The following ANKS1B variants were observed in gnomAD, a reference collection of about 807,000 sequenced individuals.
ANKS1B encodes ankyrin repeat and sterile alpha motif domain containing 1B, also known as ankyrin repeat and sterile alpha motif domain-containing protein 1B.
In ANKS1B, 36 loss-of-function variants were observed where a neutral mutation model predicts 148.3. The ratio of observed to expected loss-of-function variants is 0.24; its 90% CI spans 0.19 to 0.32. The LOEUF is 0.32. Among genes scored for constraint, ANKS1B ranks in the 10% least tolerant of loss-of-function variants. ANKS1B has a pLI of 1.00. For synonymous variants in ANKS1B, 542 were observed against 560.8 expected, an observed-to-expected ratio of 0.97 and a Z score of 0.47; for missense variants, 1,157 against 1,542.6, an observed-to-expected ratio of 0.75 and a Z score of 4.19.
chr12:98,757,366 G>A (rs2098275309), intron 25 of ANKS1B, among the ~76,000 whole-genome samples: 1 of 152,254 alleles, frequency 6.6e-6, no homozygotes, highest in Admixed American at 6.5e-5. Context: ...TTACAGAATT[G>A]TGAACATAAT....
intron 17 of ANKS1B, among the ~76,000 whole-genome samples, chr12:98,846,034 A>G (rs1290871817): frequency 1.3e-5 from 2 of 151,400 alleles, no homozygotes; most frequent in African/African-American, 2.4e-5. Flanking sequence ...ACATATATAT[A>G]TATGTATATT....
At chr12:98,813,079 G>A (rs1213622315) in intron 19 of ANKS1B, among the ~76,000 whole-genome samples, 2 of 152,124 alleles carry the variant, frequency 1.3e-5, no homozygotes, top group Non-Finnish European at 2.9e-5. Flanking sequence ...TTATGTTTAT[G>A]AAAATAACAT....
intron 9 of ANKS1B, among the ~76,000 whole-genome samples, chr12:99,570,645 C>CAA (rs34453262): frequency 0.21 from 21,651 of 103,178 alleles, 1,748 homozygotes; most frequent in Non-Finnish European, 0.22. Context: ...GACTTCGTCT[C>CAA]AAAAAAAAAA....
At chr12:99,593,160 C>A (rs561097247) in intron 9 of ANKS1B, among the ~76,000 whole-genome samples, 1 of 151,914 alleles carries the variant, frequency 6.6e-6, no homozygotes, top group Non-Finnish European at 1.5e-5. Flanking sequence ...TCCCTCAACC[C>A]CCATCATGGC....
chr12:99,648,116 A>G, intron 9 of ANKS1B: 1 of 1,560,052 alleles, frequency 6.4e-7, no homozygotes, highest in Non-Finnish European at 8.7e-7. Context: ...ATGCCCGCTA[A>G]AGCATGTTAA....
At chr12:99,931,476 T>C (rs1007315813) in intron 1 of ANKS1B, among the ~76,000 whole-genome samples, 1 of 152,208 alleles carries the variant, frequency 6.6e-6, no homozygotes, top group Admixed American at 6.5e-5. Context: ...CTTGTAATTA[T>C]GAAACTTTGA....
chr12:99,692,872 G>T (rs1209358609), intron 8 of ANKS1B, among the ~76,000 whole-genome samples: 1 of 152,138 alleles, frequency 6.6e-6, no homozygotes. Flanking sequence ...CACCTGAATG[G>T]TGATATCAGG....
intron 8 of ANKS1B, among the ~76,000 whole-genome samples, chr12:99,688,114 T>C (rs2098659763): frequency 1.3e-5 from 2 of 152,220 alleles, no homozygotes; most frequent in Admixed American, 1.3e-4. Flanking sequence ...GGTCTCTTCT[T>C]TTCACTGTTG....
chr12:98,839,080 G>C (rs1226262815), intron 17 of ANKS1B, among the ~76,000 whole-genome samples: 1 of 152,190 alleles, frequency 6.6e-6, no homozygotes, highest in Middle Eastern at 3.2e-3. Flanking sequence ...TCCAGCATGG[G>C]ATGGTGAACA....
At chr12:99,013,807 G>C (rs1568362908) in intron 17 of ANKS1B, among the ~76,000 whole-genome samples, 1 of 152,102 alleles carries the variant, frequency 6.6e-6, no homozygotes, top group African/African-American at 2.4e-5. Context: ...ATGTAGGGTG[G>C]TGAAAGATGT....
At chr12:99,646,820 C>CT (rs560052354) in intron 9 of ANKS1B, among the ~76,000 whole-genome samples, 113 of 148,232 alleles carry the variant, frequency 7.6e-4, no homozygotes, top group Admixed American at 2.4e-3. Flanking sequence ...TTCTTTACAG[C>CT]TTTTTTTTTT....
At chr12:98,815,325 C>A (rs767286612) in intron 19 of ANKS1B, among the ~76,000 whole-genome samples, 1 of 152,186 alleles carries the variant, frequency 6.6e-6, no homozygotes, top group African/African-American at 2.4e-5. Flanking sequence ...TCTACTGAAA[C>A]TGAAACAATT....
intron 17 of ANKS1B, among the ~76,000 whole-genome samples, chr12:98,908,670 A>G (rs1375191841): frequency 6.6e-6 from 1 of 152,218 alleles, no homozygotes; most frequent in Non-Finnish European, 1.5e-5. Flanking sequence ...AAGAGTCACC[A>G]TGGACAGACT....
At chr12:99,741,892 AAAAT>A (rs1248459736) in intron 8 of ANKS1B, among the ~76,000 whole-genome samples, 5 of 152,096 alleles carry the variant, frequency 3.3e-5, no homozygotes, top group African/African-American at 9.7e-5. Context: ...AAGTATAATG[AAAAT>A]AAATAAATAA....
Position 99,868,814 on chromosome 12 carries a change from T to C in ANKS1B, c.135-43425A>G, listed in dbSNP as rs145685191. On this transcript the variant is annotated intron_variant, in intron 1 of 26. Coordinates refer to ENST00000683438, the MANE Select transcript of ANKS1B (RefSeq NM_001352186.2). Reference sequence around the variant, plus strand: ...GGCTCAAACCTGTAATCCCAGCATTTTGGGAGGCCGAGGCGGGCAGATCAT... The same window carrying C: ...GGCTCAAACCTGTAATCCCAGCATTCTGGGAGGCCGAGGCGGGCAGATCAT... Among the ~76,000 whole-genome samples, 630 of 152,202 alleles carry C rather than the reference T, an allele frequency of 4.1e-3. 5 individuals are homozygous for C. The highest frequency in any genetic ancestry group is 0.014 in the African/African-American group (592 of 41,520).
At chr12:99,464,039 C>T (rs992127708) in intron 10 of ANKS1B, among the ~76,000 whole-genome samples, 2 of 152,194 alleles carry the variant, frequency 1.3e-5, no homozygotes, top group East Asian at 1.9e-4. Context: ...GGGAGGCACC[C>T]CCCAGTAGGG....
chr12:99,486,150 A>C (rs1425437752), intron 10 of ANKS1B, among the ~76,000 whole-genome samples: 6 of 151,906 alleles, frequency 3.9e-5, no homozygotes, highest in African/African-American at 1.5e-4. Flanking sequence ...TCATTTGGGT[A>C]GACTATTCCT....
intron 1 of ANKS1B, among the ~76,000 whole-genome samples, chr12:99,942,110 G>A (rs1304439564): frequency 6.6e-6 from 1 of 152,074 alleles, no homozygotes; most frequent in African/African-American, 2.4e-5. Flanking sequence ...GTAGAACCTT[G>A]GAGATGATCC....
intron 9 of ANKS1B, among the ~76,000 whole-genome samples, chr12:99,578,984 C>T (rs574030800): frequency 2.0e-5 from 3 of 152,186 alleles, no homozygotes; most frequent in South Asian, 4.1e-4. Flanking sequence ...CAGCATGGTA[C>T]TGGTTCAAAA....
Sources: allele counts gnomAD v4.1 joint callset (sites outside exome capture counted in the v4.1 genomes callset), GRCh38; gene constraint gnomAD v4.1.1; transcripts MANE v1.5; gene names NCBI Gene and HGNC (gene_info 2026-07-23, HGNC 2026-07-21).